ROBO1: variants seen among roughly 807,000 people sequenced by gnomAD.
The protein encoded by ROBO1 is roundabout homolog 1.
ROBO1 carries 149 observed loss-of-function variants against 195.9 expected under a neutral mutation model. The observed-to-expected ratio is 0.76, with a 90% CI of 0.67 to 0.87. The LOEUF (loss-of-function observed/expected upper bound fraction) is 0.87. ROBO1 is among the 40% of genes least tolerant of loss of function. The pLI is 0.00. For synonymous variants in ROBO1, 816 were observed against 733.2 expected (o/e 1.11, Z -1.82); for missense variants, 1,933 against 2,068.3 (o/e 0.93, Z 1.27).
At chr3:79,714,848 T>G in intron 1 of ROBO1, among the ~76,000 whole-genome samples, 2 of 104,416 alleles carry the variant, frequency 1.9e-5, no homozygotes, top group East Asian at 2.5e-4. Context: ...GGGACTGTTG[T>G]GGGGTGGGGG....
chr3:78,957,741 G>A (rs1285333407), intron 3 of ROBO1, among the ~76,000 whole-genome samples: 1 of 152,112 alleles, frequency 6.6e-6, no homozygotes, highest in Non-Finnish European at 1.5e-5. Flanking sequence ...TTCTCTTTAG[G>A]AGGCAAATAG....
chr3:78,820,382 G>A (rs2030761601), intron 4 of ROBO1, among the ~76,000 whole-genome samples: 1 of 151,998 alleles, frequency 6.6e-6, no homozygotes, highest in Non-Finnish European at 1.5e-5. Context: ...ACTGACTCTT[G>A]GAGACATTAA....
At chr3:78,604,956 T>A (rs1219566255) in intron 29 of ROBO1, among the ~76,000 whole-genome samples, 1 of 152,180 alleles carries the variant, frequency 6.6e-6, no homozygotes, top group Non-Finnish European at 1.5e-5. Flanking sequence ...TCCTAAAACA[T>A]TTCCACTGAT....
At position 78,627,984 on chromosome 3, in the gene ROBO1, G is replaced by A. The variant is rs1314412650; in HGVS notation, c.3627-415C>T. Among the ~76,000 whole-genome samples the A allele has an allele frequency of 2.1e-5, 3 of 141,138 alleles. No homozygotes were observed. The East Asian group carries it at 6.2e-4, about 29-fold the overall frequency. 92.6% of individuals were successfully genotyped at this position (141,138 alleles called of 152,430 possible). On this transcript the variant is annotated intron_variant, in intron 25 of 30. Transcript: ENST00000464233. Reference sequence around the variant, plus strand: ...TTTTTTTTTTTTGAGATGGAGTTTCGCTCTTGTTGCCCAGGCTGGAGTGCA... The same window carrying A: ...TTTTTTTTTTTTGAGATGGAGTTTCACTCTTGTTGCCCAGGCTGGAGTGCA...
intron 3 of ROBO1, among the ~76,000 whole-genome samples, chr3:79,079,500 A>G (rs996879136): frequency 6.6e-6 from 1 of 151,834 alleles, no homozygotes; most frequent in Non-Finnish European, 1.5e-5. Context: ...GACTGCTGTA[A>G]TGTCAAAATT....
At chr3:79,420,877 T>C (rs1230735839) in intron 2 of ROBO1, among the ~76,000 whole-genome samples, 1 of 152,118 alleles carries the variant, frequency 6.6e-6, no homozygotes, top group Non-Finnish European at 1.5e-5. Flanking sequence ...TCACTGAGTA[T>C]AGATCCAAAA....
At chr3:79,095,994 G>A (rs554966929) in intron 3 of ROBO1, among the ~76,000 whole-genome samples, 1 of 151,736 alleles carries the variant, frequency 6.6e-6, no homozygotes, top group South Asian at 2.1e-4. Context: ...TTCTGTTTTT[G>A]TTTTCTTTTA....
At chr3:79,607,724 C>T (rs1264143268) in intron 1 of ROBO1, among the ~76,000 whole-genome samples, 1 of 151,648 alleles carries the variant, frequency 6.6e-6, no homozygotes, top group Admixed American at 6.6e-5. Flanking sequence ...AATTACGAAG[C>T]TGAAAAACTG....
At chr3:79,167,658 T>C (rs2081092605) in intron 2 of ROBO1, among the ~76,000 whole-genome samples, 1 of 152,218 alleles carries the variant, frequency 6.6e-6, no homozygotes, top group Non-Finnish European at 1.5e-5. Flanking sequence ...CCTCTCTTCA[T>C]CTCACATCTT....
At chr3:79,189,842 C>G (rs2081505757) in intron 2 of ROBO1, among the ~76,000 whole-genome samples, 1 of 151,502 alleles carries the variant, frequency 6.6e-6, no homozygotes. Flanking sequence ...ATTTTTATTT[C>G]AAAAGAGCAA....
intron 3 of ROBO1, among the ~76,000 whole-genome samples, chr3:78,990,427 G>C (rs1018515421): frequency 6.6e-6 from 1 of 152,020 alleles, no homozygotes; most frequent in Non-Finnish European, 1.5e-5. Flanking sequence ...AGTTTTCCTT[G>C]TTAGCTAATT....
chr3:79,526,777 G>C (rs879308394), intron 2 of ROBO1, among the ~76,000 whole-genome samples: 2 of 152,090 alleles, frequency 1.3e-5, no homozygotes, highest in African/African-American at 2.4e-5. Context: ...AAAGCAGTAA[G>C]ACTAAATTCT....
intron 3 of ROBO1, among the ~76,000 whole-genome samples, chr3:78,962,653 G>A (rs1459983792): frequency 2.6e-5 from 4 of 151,780 alleles, no homozygotes; most frequent in African/African-American, 4.8e-5. Flanking sequence ...GTGAAACCCC[G>A]TCTCTACTAA....
At chr3:79,057,649 T>C (rs1182843183) in intron 3 of ROBO1, among the ~76,000 whole-genome samples, 1 of 152,072 alleles carries the variant, frequency 6.6e-6, no homozygotes, top group East Asian at 1.9e-4. Context: ...GTTCTTCTCT[T>C]CCTCCTTCAG....
intron 2 of ROBO1, among the ~76,000 whole-genome samples, chr3:79,193,855 A>G (rs1341613212): frequency 6.6e-6 from 1 of 151,622 alleles, no homozygotes; most frequent in East Asian, 1.9e-4. Context: ...AGCCAGAAAC[A>G]TAAAAAACAC....
In ROBO1 at chr3:78,707,954, A is replaced by G. The variant is rs942976866; in HGVS notation, c.1045+6443T>C. Among the ~76,000 whole-genome samples, 12 of 152,116 alleles carry G rather than the reference A, an allele frequency of 7.9e-5. 1 individual carries two copies. In the East Asian group the frequency reaches 2.3e-3, roughly 29 times the overall value. ...GGAGATAAAAGGTGATGGCTTGGGA[A>G]ATGGTTGGTCTGTTTTCAGGCCGTT... On this transcript the variant is annotated intron_variant, in intron 8 of 30. Transcript: ENST00000464233.
intron 2 of ROBO1, among the ~76,000 whole-genome samples, chr3:79,341,806 G>C (rs1559831088): frequency 6.6e-6 from 1 of 152,050 alleles, no homozygotes; most frequent in Non-Finnish European, 1.5e-5. Context: ...GTTTTCAAAA[G>C]TTAATCGGGA....
At chr3:78,608,022 C>T (rs1368623085) in intron 28 of ROBO1, among the ~76,000 whole-genome samples, 4 of 77,412 alleles carry the variant, frequency 5.2e-5, no homozygotes, top group African/African-American at 2.4e-4. Context: ...ATTTCATTTA[C>T]ACACACACAC....
Position 78,754,051 on chromosome 3 carries a change from T to A in ROBO1, c.500-7151A>T, listed in dbSNP as rs557148921. Among the ~76,000 whole-genome samples, 8 of 152,336 alleles carry A rather than the reference T, an allele frequency of 5.3e-5. No individual in the cohort carries two copies. The East Asian group carries it at 1.5e-3, about 29-fold the overall frequency. On this transcript the variant is annotated intron_variant, in intron 4 of 30. Transcript: ENST00000464233. ...CACAACACAGATTCTTTCACTATTC[T>A]GTGATTTTAACAGGTACGTTCACAA...
Sources: allele counts gnomAD v4.1 joint callset (sites outside exome capture counted in the v4.1 genomes callset), GRCh38; gene constraint gnomAD v4.1.1; transcripts MANE v1.5; gene names NCBI Gene and HGNC (gene_info 2026-07-23, HGNC 2026-07-21).